CHTOP: variants seen among roughly 807,000 people sequenced by gnomAD.
The protein encoded by CHTOP is chromatin target of PRMT1, also known as chromatin target of PRMT1 protein.
A neutral mutation model predicts 33.6 loss-of-function variants in CHTOP; 18 were observed. The observed-to-expected ratio is 0.54, with a 90% CI of 0.37 to 0.80. The LOEUF (loss-of-function observed/expected upper bound fraction) is 0.80, where lower values mean the gene tolerates loss of function less well. Ranked by LOEUF, CHTOP falls within the 30% of genes least tolerant of loss-of-function variation. CHTOP has a pLI of 0.00. For missense variants in CHTOP, 263 were observed against 336.8 expected (o/e 0.78, Z 1.71); for synonymous variants, 117 against 127.7 (o/e 0.92, Z 0.56).
chr1:153,638,884 T>C (rs1459078121), intron 3 of CHTOP, among the ~76,000 whole-genome samples: 1 of 7,098 alleles, frequency 1.4e-4, no homozygotes, highest in South Asian at 7.5e-3. Flanking sequence ...AAGGTTTTCT[T>C]TTTTTTTTTT....
intron 1 of CHTOP, among the ~76,000 whole-genome samples, chr1:153,635,440 C>T (rs978933389): frequency 7.2e-5 from 11 of 151,954 alleles, no homozygotes; most frequent in Admixed American, 2.6e-4. Flanking sequence ...GCGTGAAGCA[C>T]CGCGCCCGCC....
rs1307542649 is a variant in CHTOP, at chr1:153,645,733, C to A, written c.*464C>A. On this transcript the variant is annotated 3_prime_UTR_variant, in exon 6 of 6. Transcript: ENST00000368694. Reference sequence around the variant, plus strand: ...TTTCTGAAATAGGGTTCTGTTACATCCTCTTCGATAGCCTGTTTAAAATGT... The same window carrying A: ...TTTCTGAAATAGGGTTCTGTTACATACTCTTCGATAGCCTGTTTAAAATGT... 1 of 165,400 alleles carries A rather than the reference C, an allele frequency of 6.0e-6. No homozygotes were observed. Among genetic ancestry groups the A allele is most frequent in the Non-Finnish European group, 1.3e-5 (1 of 76,206 alleles). The allele number at this position is 165,400 out of a possible 1,614,324, so 10.2% of individuals were successfully genotyped here. A position where few individuals can be genotyped will look rare whatever the true frequency, so the allele number is the denominator to read the frequency against.
intron 3 of CHTOP, among the ~76,000 whole-genome samples, chr1:153,640,054 A>T (rs1157668712): frequency 6.6e-6 from 1 of 152,228 alleles, no homozygotes; most frequent in African/African-American, 2.4e-5. Context: ...GATTACAGGC[A>T]TGAGCTACCG....
chr1:153,635,431 C>T lies in CHTOP; in HGVS notation c.-18+1088C>T, dbSNP rs11486164. 9.0e-3 allele frequency among the ~76,000 whole-genome samples: 1,368 copies of T among 152,086 alleles called. 24 individuals are homozygous for T. Among genetic ancestry groups the T allele is most frequent in the African/African-American group, 0.029 (1,207 of 41,498 alleles). ...CCTCCCAAAGTGCTGAGATTACAGG[C>T]GTGAAGCACCGCGCCCGCCCTGTCC... is the stretch of plus-strand genomic sequence containing the variant. On this transcript the variant is annotated intron_variant, in intron 1 of 5. Transcript: ENST00000368694.
intron 5 of CHTOP, 149 bp downstream of exon 5, chr1:153,643,513 AC>A: frequency 1.2e-6 from 1 of 826,766 alleles, no homozygotes; most frequent in Non-Finnish European, 1.8e-6. Flanking sequence ...TTTTCAAATT[AC>A]CATGCTGGTA....
chr1:153,641,520 A>G (rs1305697322), intron 3 of CHTOP, among the ~76,000 whole-genome samples: 2 of 152,318 alleles, frequency 1.3e-5, no homozygotes, highest in South Asian at 2.1e-4. Flanking sequence ...CTGTGGAGAT[A>G]CATTTGAGTT....
chr1:153,641,717 G>C lies in CHTOP; in HGVS notation c.220-529G>C, dbSNP rs576926193. Reference sequence around the variant, plus strand: ...CTCAGAGGAAAAATGGAGCACACGGGCCTTTTTGAGAAATCAATCTTGTTC... The same window carrying C: ...CTCAGAGGAAAAATGGAGCACACGGCCCTTTTTGAGAAATCAATCTTGTTC... On this transcript the variant is annotated intron_variant, in intron 3 of 5. Transcript: ENST00000368694. Among the ~76,000 whole-genome samples the C allele has an allele frequency of 9.9e-5, 15 of 152,274 alleles. 1 individual carries two copies. The highest frequency in any genetic ancestry group is 3.6e-4 in the African/African-American group (15 of 41,554).
rs144067929 is a variant in CHTOP, at chr1:153,635,456, C to T, written c.-18+1113C>T. 2.7e-4 allele frequency among the ~76,000 whole-genome samples: 41 copies of T among 152,124 alleles called. No individual in the cohort carries two copies. In the East Asian group the frequency reaches 6.6e-3, roughly 25 times the overall value. ...CGTGAAGCACCGCGCCCGCCCTGTC[C>T]GGCCCTATGTTTTAAAAGCTCCTTG... On this transcript the variant is annotated intron_variant, in intron 1 of 5. Coordinates refer to ENST00000368694, the MANE Select transcript of CHTOP (RefSeq NM_015607.4).
In CHTOP at chr1:153,642,281, G is replaced by A; in HGVS notation, c.255G>A (p.Gln85=). Residue 85 remains glutamine (Q), a synonymous_variant, in exon 4 of 6, where the codon CAG becomes CAA. Transcript: ENST00000368694. ...LKQRLGKSNI[Q]ARLGRPIGAL... The stretch of plus-strand genomic sequence containing the variant: ...AGCGCCTGGGTAAGAGTAACATCCA[G>A]GCACGGTTAGGCCGACCCATAGGGG... 3 of 1,613,942 alleles carry A rather than the reference G, an allele frequency of 1.9e-6. No individual in the cohort carries two copies. Among genetic ancestry groups the A allele is most frequent in the Non-Finnish European group, 2.5e-6 (3 of 1,179,884 alleles).
At position 153,643,341 on chromosome 1, in the gene CHTOP, G is replaced by A; in HGVS notation, c.518G>A (p.Gly173Asp). The A allele has an allele frequency of 6.3e-7, 1 of 1,588,734 alleles. No individual in the cohort carries two copies. Among genetic ancestry groups the A allele is most frequent in the Non-Finnish European group, 8.6e-7 (1 of 1,169,366 alleles). Reference sequence around the variant, plus strand: ...GGGGGCCTAGGGCGTGGAGCTATGGGTCGTGGCGGAATCGGTGGTAGAGGT... The same window carrying A: ...GGGGGCCTAGGGCGTGGAGCTATGGATCGTGGCGGAATCGGTGGTAGAGGT... ...GRGGLGRGAM[G>D]RGGIGGRGRG... The change falls in exon 5 of 6, where the codon GGT (glycine) becomes GAT (aspartate). Residue 173 changes from glycine to aspartate, a missense_variant. Around this residue, in one of 3 missense-constraint regions of CHTOP, gnomAD observed 168 missense variants for 179.9 expected, o/e 0.93. Coordinates refer to ENST00000368694, the MANE Select transcript of CHTOP (RefSeq NM_015607.4).
rs1018626546 is a variant in CHTOP at position 153,645,527 on chromosome 1, C to T, written c.*258C>T. Reference sequence around the variant, plus strand: ...GGAGGGGGGGTTTCCCCTCCTTTGCCCAGACTTCTCTTTGAACACAAATGC... The same window carrying T: ...GGAGGGGGGGTTTCCCCTCCTTTGCTCAGACTTCTCTTTGAACACAAATGC... On this transcript the variant is annotated 3_prime_UTR_variant, in exon 6 of 6. Transcript: ENST00000368694. The T allele has an allele frequency of 2.1e-6, 1 of 478,728 alleles. No individual in the cohort carries two copies. 29.7% of individuals were successfully genotyped at this position (478,728 alleles called of 1,614,324 possible).
In CHTOP at chr1:153,642,302, AG is replaced by A; in HGVS notation, c.280del (p.Ala94ProfsTer14). On this transcript the variant is annotated frameshift_variant, in exon 4 of 6. Coordinates refer to ENST00000368694, the MANE Select transcript of CHTOP (RefSeq NM_015607.4). LOFTEE classifies it high-confidence loss of function. Reference sequence around the variant, plus strand: ...TCCAGGCACGGTTAGGCCGACCCATAGGGGCCCTGGCCAGGGGAGCAATCGG... The same window carrying A: ...TCCAGGCACGGTTAGGCCGACCCATAGGGCCCTGGCCAGGGGAGCAATCGG... ...NIQARLGRPI[G>X]ALARGAIGGR... is the part of the protein sequence containing the mutation. The A allele has an allele frequency of 6.2e-7, 1 of 1,614,136 alleles. No individual in the cohort carries two copies. The highest frequency in any genetic ancestry group is 8.5e-7 in the Non-Finnish European group (1 of 1,180,000).
At chr1:153,643,170 A>G in intron 4 of CHTOP, 57 bp from the exon 5 acceptor site, 2 of 1,607,684 alleles carry the variant, frequency 1.2e-6, no homozygotes, top group Non-Finnish European at 1.7e-6. Context: ...TTTGGTTAGA[A>G]TCTACTTTGT....
chr1:153,638,285 G>T lies in CHTOP; in HGVS notation c.66-10G>T. The T allele has an allele frequency of 6.2e-7, 1 of 1,611,732 alleles. No individual in the cohort carries two copies. The highest frequency in any genetic ancestry group is 1.1e-5 in the South Asian group (1 of 90,900). ...TTTTATTTAAACATCCATTTTGTTC[G>T]ACCTTGAAGCTTTACTAATATGCTG... is the stretch of plus-strand genomic sequence containing the variant. On this transcript the variant is annotated splice_polypyrimidine_tract_variant and intron_variant, in intron 2 of 5. Coordinates refer to ENST00000368694, the MANE Select transcript of CHTOP (RefSeq NM_015607.4).
chr1:153,638,511 G>C, intron 3 of CHTOP, 63 bp downstream of exon 3: 1 of 1,593,058 alleles, frequency 6.3e-7, no homozygotes, highest in Non-Finnish European at 8.6e-7. Flanking sequence ...AGTCCACTGA[G>C]GCTGTCAGGA....
intron 5 of CHTOP, chr1:153,643,648 G>A (rs954873027): frequency 8.4e-5 from 21 of 250,400 alleles, no homozygotes; most frequent in African/African-American, 4.6e-4. Flanking sequence ...CCCCCAAAAT[G>A]GTCAGTTTAG....
intron 3 of CHTOP, chr1:153,639,518 C>T (rs567563333): frequency 1.8e-5 from 7 of 388,068 alleles, no homozygotes; most frequent in Middle Eastern, 1.4e-3. Context: ...ACCCTTACAC[C>T]CCCACCCTGA....
chr1:153,638,514 T>C (rs1427852939), intron 3 of CHTOP, 66 bp downstream of exon 3: 1 of 1,570,874 alleles, frequency 6.4e-7, no homozygotes. Flanking sequence ...CCACTGAGGC[T>C]GTCAGGACGT....
At chr1:153,635,147 G>A (rs1412659545) in intron 1 of CHTOP, among the ~76,000 whole-genome samples, 1 of 138,880 alleles carries the variant, frequency 7.2e-6, no homozygotes, top group Non-Finnish European at 1.6e-5. Context: ...ACCGCGCCCG[G>A]CCCTGCCTGT....
Sources: allele counts gnomAD v4.1 joint callset (sites outside exome capture counted in the v4.1 genomes callset), GRCh38; gene constraint gnomAD v4.1.1; regional missense constraint gnomAD v4.1.1; transcripts MANE v1.5; gene names NCBI Gene and HGNC (gene_info 2026-07-23, HGNC 2026-07-21).